The following SNX21 variants were observed in gnomAD, a reference collection of about 807,000 sequenced individuals.
The protein encoded by SNX21 is sorting nexin family member 21.
Under a neutral mutation model 30.9 loss-of-function variants are expected in SNX21, and 36 were observed. The observed-to-expected ratio is 1.16, with a 90% CI of 0.89 to 1.54. The LOEUF (loss-of-function observed/expected upper bound fraction) is 1.54, where lower values mean the gene tolerates loss of function less well. Ranked by LOEUF, SNX21 falls within the 40% of genes most tolerant of loss-of-function variation. SNX21 has a pLI of 0.00. For synonymous variants in SNX21, 218 were observed against 222.7 expected, an observed-to-expected ratio of 0.98 and a Z score of 0.19; for missense variants, 508 against 516.5, an observed-to-expected ratio of 0.98 and a Z score of 0.16.
rs761746333 is a variant in SNX21 at position 45,843,001 on chromosome 20, AG to A, written c.*1691del. ...GCAAGGAAGGTCCAAGCAGGCCCTT[AG>A]GGACCACTGAATGCCCCGATCCCAA... On this transcript the variant is annotated 3_prime_UTR_variant, in exon 4 of 4. Transcript: ENST00000491381. 1.0e-5 allele frequency: 11 copies of A among 1,077,300 alleles called. No individual in the cohort carries two copies. The highest frequency in any genetic ancestry group is 9.5e-5 in the Admixed American group (2 of 20,966). 66.7% of individuals were successfully genotyped at this position (1,077,300 alleles called of 1,614,324 possible).
chr20:45,835,199 G>C lies in SNX21; in HGVS notation c.447+83G>C, dbSNP rs866133078. 13 of 1,436,892 alleles carry C rather than the reference G, an allele frequency of 9.0e-6. 1 individual carries two copies. In the Middle Eastern group the frequency reaches 2.0e-3, roughly 223 times the overall value. 89.0% of individuals were successfully genotyped at this position (1,436,892 alleles called of 1,614,324 possible). ...TAGGGAAGACCCCAACTTCCTGAGGGGTCTATGTAGTTATAAATGGTTACC... is the reference window on the plus strand; with the variant it reads ...TAGGGAAGACCCCAACTTCCTGAGGCGTCTATGTAGTTATAAATGGTTACC... On this transcript the variant is annotated intron_variant, in intron 3 of 3. Transcript: ENST00000491381.
At position 45,842,786 on chromosome 20, in the gene SNX21, C is replaced by G; in HGVS notation, c.*1473C>G. The G allele has an allele frequency of 8.1e-6, 8 of 990,662 alleles. No individual in the cohort carries two copies. The highest frequency in any genetic ancestry group is 9.6e-6 in the Non-Finnish European group (8 of 833,006). 61.4% of individuals were successfully genotyped at this position (990,662 alleles called of 1,614,324 possible). On this transcript the variant is annotated 3_prime_UTR_variant, in exon 4 of 4. Coordinates refer to ENST00000491381, the MANE Select transcript of SNX21 (RefSeq NM_033421.4). ...CAAATCTGAACCCATGTCCTCACTT[C>G]AAGGTTATCAATCTTGGATTGTGAT...
chr20:45,836,178 C>A (rs1983509146), intron 3 of SNX21, among the ~76,000 whole-genome samples: 1 of 152,178 alleles, frequency 6.6e-6, no homozygotes, highest in South Asian at 2.1e-4. Flanking sequence ...TCAGCAGGGA[C>A]CGACTCCGAT....
In SNX21 at chr20:45,841,228, G is replaced by C. The variant is rs144789879; in HGVS notation, c.1037G>C (p.Arg346Pro). Residue 346 changes from arginine to proline, a missense_variant, in exon 4 of 4, where the codon CGG (arginine) becomes CCG (proline). Physicochemically the swap from Arg to Pro is moderately radical, Grantham distance 103 (BLOSUM62 -2). Coordinates refer to ENST00000491381, the MANE Select transcript of SNX21 (RefSeq NM_033421.4). ...LGLDKRQSEA[R>P]LQALQEAGLT... ...CTGGACAAACGTCAATCAGAGGCTC[G>C]GCTCCAAGCCCTGCAGGAGGCAGGC... 2 of 1,613,330 alleles carry C rather than the reference G, an allele frequency of 1.2e-6. No individual in the cohort carries two copies. The highest frequency in any genetic ancestry group is 1.7e-6 in the Non-Finnish European group (2 of 1,179,722).
In SNX21 at chr20:45,841,513, G is replaced by A; in HGVS notation, c.*200G>A. The A allele has an allele frequency of 7.2e-7, 1 of 1,394,204 alleles. No homozygotes were observed. The highest frequency in any genetic ancestry group is 9.2e-7 in the Non-Finnish European group (1 of 1,081,986). The allele number at this position is 1,394,204 out of a possible 1,614,324, so 86.4% of individuals were successfully genotyped here. A position where few individuals can be genotyped will look rare whatever the true frequency, so the allele number is the denominator to read the frequency against. The stretch of plus-strand genomic sequence containing the variant: ...GAGCTTTGGCTGGGGTTGCCCTTGT[G>A]TAGTACAGGGAAGTCTGACACAGCC... On this transcript the variant is annotated 3_prime_UTR_variant, in exon 4 of 4. Transcript: ENST00000491381.
chr20:45,834,266 G>A lies in SNX21; in HGVS notation c.87G>A (p.Glu29=), dbSNP rs1983289869. The change falls in exon 2 of 4, where the codon GAG becomes GAA. Residue 29 remains glutamate, a synonymous_variant. Coordinates refer to ENST00000491381, the MANE Select transcript of SNX21 (RefSeq NM_033421.4). ...CCTTGGCCGGCGACGGCCCCGGGGA[G>A]GCGGCGGCCAGTCCAGAGGCCGAGC... ...RHALAGDGPG[E]AAASPEAEQF... 5.1e-6 allele frequency: 8 copies of A among 1,584,054 alleles called. No individual in the cohort carries two copies. Among genetic ancestry groups the A allele is most frequent in the African/African-American group, 2.7e-5 (2 of 74,666 alleles).
chr20:45,842,230 C>T lies in SNX21; in HGVS notation c.*917C>T. 1 of 1,448,188 alleles carries T rather than the reference C, an allele frequency of 6.9e-7. No individual in the cohort carries two copies. The highest frequency in any genetic ancestry group is 2.7e-5 in the Admixed American group (1 of 36,554). 89.7% of individuals were successfully genotyped at this position (1,448,188 alleles called of 1,614,324 possible). On this transcript the variant is annotated 3_prime_UTR_variant, in exon 4 of 4. Transcript: ENST00000491381. ...AGTGTCGTGGCTGCTCCAAATGCCC[C>T]TTCATGAGCTTATTATGGACCGTCA...
In SNX21 at chr20:45,833,844, G is replaced by T; in HGVS notation, c.-76G>T. ...CTCTGAGCGGCCTGAGCCCGGCGGA[G>T]CCCTGCAGAACCCGGCCGACCTCCA... On this transcript the variant is annotated 5_prime_UTR_variant, in exon 1 of 4. Coordinates refer to ENST00000491381, the MANE Select transcript of SNX21 (RefSeq NM_033421.4). 1 of 1,264,604 alleles carries T rather than the reference G, an allele frequency of 7.9e-7. No homozygotes were observed. 78.3% of individuals were successfully genotyped at this position (1,264,604 alleles called of 1,614,324 possible).
intron 3 of SNX21, among the ~76,000 whole-genome samples, chr20:45,837,427 C>A (rs1194823565): frequency 2.0e-5 from 3 of 152,218 alleles, no homozygotes; most frequent in Non-Finnish European, 4.4e-5. Flanking sequence ...CACTGTGAAT[C>A]TTCAAGAGGA....
Position 45,841,657 on chromosome 20 carries a change from T to G in SNX21, c.*344T>G. On this transcript the variant is annotated 3_prime_UTR_variant, in exon 4 of 4. Transcript: ENST00000491381. ...AAGGCCAGGGACTCTGCCCCTGGAG[T>G]CCTGGAGTTAAGGGATGAAGGCAAG... 1 of 1,415,986 alleles carries G rather than the reference T, an allele frequency of 7.1e-7. No individual in the cohort carries two copies. The highest frequency in any genetic ancestry group is 9.2e-7 in the Non-Finnish European group (1 of 1,091,684). 87.7% of individuals were successfully genotyped at this position (1,415,986 alleles called of 1,614,324 possible).
chr20:45,834,010 C>T, intron 1 of SNX21, 70 bp downstream of exon 1: 1 of 1,431,060 alleles, frequency 7.0e-7, no homozygotes, highest in Non-Finnish European at 9.1e-7. Context: ...GAACGCGGTC[C>T]TAGGCTGAGT....
At chr20:45,839,763 G>T in intron 3 of SNX21, among the ~76,000 whole-genome samples, 1 of 151,132 alleles carries the variant, frequency 6.6e-6, no homozygotes. Flanking sequence ...TTTTTAAATA[G>T]CTGAGTGTGG....
At chr20:45,834,600 C>T (rs1376750512) in intron 2 of SNX21, 132 bp downstream of exon 2, 19 of 1,231,888 alleles carry the variant, frequency 1.5e-5, no homozygotes, top group African/African-American at 3.0e-5. Context: ...GCCTGGGCCA[C>T]CTCTTGGCTG....
At position 45,840,628 on chromosome 20, in the gene SNX21, C is replaced by T. The variant is rs1043878748; in HGVS notation, c.448-11C>T. 2.5e-6 allele frequency: 4 copies of T among 1,613,930 alleles called. No homozygotes were observed. Among genetic ancestry groups the T allele is most frequent in the Non-Finnish European group, 3.4e-6 (4 of 1,180,006 alleles). On this transcript the variant is annotated splice_polypyrimidine_tract_variant and intron_variant, in intron 3 of 3. Coordinates refer to ENST00000491381, the MANE Select transcript of SNX21 (RefSeq NM_033421.4). ...AACTTGCATTTGCCCTGACACCCAC[C>T]CTCCCTGCAGCTCTACACCCTCGCC...
intron 3 of SNX21, chr20:45,840,100 G>A (rs1983916813): frequency 2.0e-6 from 2 of 978,090 alleles, no homozygotes; most frequent in Admixed American, 1.2e-4. Context: ...GTCACACAGA[G>A]AAGGAGTAGC....
intron 3 of SNX21, among the ~76,000 whole-genome samples, chr20:45,835,973 C>A (rs1983489290): frequency 1.3e-5 from 2 of 152,188 alleles, no homozygotes; most frequent in African/African-American, 4.8e-5. Flanking sequence ...TCAGGCCAGG[C>A]CTGAAAGCCA....
Position 45,843,106 on chromosome 20 carries a change from T to C in SNX21, c.*1793T>C. 9.3e-7 allele frequency: 1 copy of C among 1,080,764 alleles called. No individual in the cohort carries two copies. 66.9% of individuals were successfully genotyped at this position (1,080,764 alleles called of 1,614,324 possible). A position where few individuals can be genotyped will look rare whatever the true frequency, so the allele number is the denominator to read the frequency against. ...ATCCAAGACCTACTGAGTGAGAATCTTGAGGGTGGAATCAGAATCTATTTT... is the reference window on the plus strand; with the variant it reads ...ATCCAAGACCTACTGAGTGAGAATCCTGAGGGTGGAATCAGAATCTATTTT... On this transcript the variant is annotated 3_prime_UTR_variant, in exon 4 of 4. Coordinates refer to ENST00000491381, the MANE Select transcript of SNX21 (RefSeq NM_033421.4).
Position 45,843,162 on chromosome 20 carries a change from G to A in SNX21, c.*1849G>A. On this transcript the variant is annotated 3_prime_UTR_variant, in exon 4 of 4. Coordinates refer to ENST00000491381, the MANE Select transcript of SNX21 (RefSeq NM_033421.4). ...GGCATCCCCAAATGGCAGTCTGATG[G>A]ACTGCGGGTTTGGATACCACTGCTG... The A allele has an allele frequency of 3.1e-6, 2 of 637,806 alleles. No individual in the cohort carries two copies. Among genetic ancestry groups the A allele is most frequent in the Non-Finnish European group, 4.6e-6 (2 of 436,390 alleles). 39.5% of individuals were successfully genotyped at this position (637,806 alleles called of 1,614,324 possible).
chr20:45,835,170 C>G (rs1345592677), intron 3 of SNX21, 54 bp downstream of exon 3: 35 of 1,540,050 alleles, frequency 2.3e-5, no homozygotes, highest in Non-Finnish European at 3.1e-5. Context: ...TGGCTAGGAG[C>G]AAGTAGGGAA....
Sources: allele counts gnomAD v4.1 joint callset (sites outside exome capture counted in the v4.1 genomes callset), GRCh38; gene constraint gnomAD v4.1.1; transcripts MANE v1.5; gene names NCBI Gene and HGNC (gene_info 2026-07-23, HGNC 2026-07-21).